Variants in NPAS3 observed in about 807,000 individuals in gnomAD.
NPAS3 encodes the protein neuronal PAS domain protein 3, also known as neuronal PAS domain-containing protein 3.
In NPAS3, 14 loss-of-function variants were observed where a neutral mutation model predicts 73.1. That is an observed-to-expected ratio of 0.19 (90% CI 0.13 to 0.30). The LOEUF (loss-of-function observed/expected upper bound fraction) is 0.30, where lower values mean the gene tolerates loss of function less well. Ranked by LOEUF, NPAS3 falls within the 10% of genes least tolerant of loss-of-function variation. The probability of loss-of-function intolerance (pLI) is 1.00; values close to 1 mark genes in which losing one functional copy is unlikely to be tolerated. For synonymous variants in NPAS3, 620 were observed against 541.5 expected, an observed-to-expected ratio of 1.14 and a Z score of -2.01; for missense variants, 1,096 against 1,250.0, an observed-to-expected ratio of 0.88 and a Z score of 1.86.
intron 5 of NPAS3, among the ~76,000 whole-genome samples, chr14:33,615,031 A>C (rs2057869741): frequency 6.6e-6 from 1 of 152,104 alleles, no homozygotes; most frequent in Non-Finnish European, 1.5e-5. Context: ...AACAGGTAGG[A>C]GTTCTGTAAG....
chr14:33,683,923 T>C (rs991676428), intron 6 of NPAS3, among the ~76,000 whole-genome samples: 28 of 152,144 alleles, frequency 1.8e-4, no homozygotes, highest in African/African-American at 6.0e-4. Flanking sequence ...ATTACAGGAG[T>C]TAATTCACAC....
intron 4 of NPAS3, among the ~76,000 whole-genome samples, chr14:33,433,379 C>T (rs2048857864): frequency 6.6e-6 from 1 of 152,234 alleles, no homozygotes; most frequent in Non-Finnish European, 1.5e-5. Flanking sequence ...AAAGCAAACG[C>T]AGTCTTTGAA....
intron 1 of NPAS3, among the ~76,000 whole-genome samples, chr14:32,974,523 C>T (rs968413726): frequency 6.6e-6 from 1 of 152,052 alleles, no homozygotes; most frequent in Non-Finnish European, 1.5e-5. Context: ...AAAAATTGGC[C>T]AGTAGTAGCT....
rs1471277849 is a variant in NPAS3, at chr14:33,328,435, C to CCTTTT, written c.386-38740_386-38736dup. On this transcript the variant is annotated intron_variant, in intron 3 of 11. Transcript: ENST00000356141. Reference sequence around the variant, plus strand: ...TTATTGATGTTTTTATCTTTCTTTTCCTTTTCTTTTCTTTTTTTTTTTTTT... The same window carrying CCTTTT: ...TTATTGATGTTTTTATCTTTCTTTTCCTTTTCTTTTCTTTTCTTTTTTTTTTTTTT... Among the ~76,000 whole-genome samples, 51 of 108,980 alleles carry CCTTTT rather than the reference C, an allele frequency of 4.7e-4. 1 individual carries two copies. Among genetic ancestry groups the CCTTTT allele is most frequent in the East Asian group, 1.2e-3 (5 of 4,016 alleles). The allele number at this position is 108,980 out of a possible 152,430, so 71.5% of individuals were successfully genotyped here.
intron 4 of NPAS3, among the ~76,000 whole-genome samples, chr14:33,485,750 A>C (rs2051556381): frequency 6.6e-6 from 1 of 152,156 alleles, no homozygotes; most frequent in African/African-American, 2.4e-5. Flanking sequence ...ATTCATTTTT[A>C]AATTTGAATT....
At chr14:33,197,267 GTTCT>G (rs1302899996) in intron 2 of NPAS3, among the ~76,000 whole-genome samples, 1 of 148,722 alleles carries the variant, frequency 6.7e-6, no homozygotes, top group African/African-American at 2.5e-5. Flanking sequence ...GTGTGTGTGT[GTTCT>G]TTTTCAATTG....
rs1236431329 is a variant in NPAS3 at position 33,677,693 on chromosome 14, CTG to C, written c.733+1310_733+1311del. On this transcript the variant is annotated intron_variant, in intron 6 of 11. Transcript: ENST00000356141. ...AATCCATTTTCCTCACTGAAGTTAA[CTG>C]TAGTTTCTAGGGCATTCATTATTCT... is the stretch of plus-strand genomic sequence containing the variant. Among the ~76,000 whole-genome samples, 3 of 151,874 alleles carry C rather than the reference CTG, an allele frequency of 2.0e-5. 1 individual carries two copies. The highest frequency in any genetic ancestry group is 6.9e-3 in the Middle Eastern group (2 of 290).
At chr14:33,645,475 G>T (rs1178326285) in intron 5 of NPAS3, among the ~76,000 whole-genome samples, 1 of 152,180 alleles carries the variant, frequency 6.6e-6, no homozygotes, top group Non-Finnish European at 1.5e-5. Context: ...GAATGATAGA[G>T]TTACTGTCTC....
intron 2 of NPAS3, among the ~76,000 whole-genome samples, chr14:33,211,417 G>C (rs557322655): frequency 1.3e-5 from 2 of 152,108 alleles, no homozygotes; most frequent in South Asian, 4.1e-4. Flanking sequence ...AGCTGAGCAC[G>C]GTGGTGCATG....
At chr14:33,557,165 T>A (rs2139731188) in intron 4 of NPAS3, among the ~76,000 whole-genome samples, 1 of 123,564 alleles carries the variant, frequency 8.1e-6, no homozygotes, top group African/African-American at 2.9e-5. Flanking sequence ...TGCTTCAAAG[T>A]GAGGTTCCGC....
At chr14:33,039,076 C>G (rs191922103) in intron 1 of NPAS3, among the ~76,000 whole-genome samples, 1 of 152,118 alleles carries the variant, frequency 6.6e-6, no homozygotes, top group Non-Finnish European at 1.5e-5. Flanking sequence ...CATGAAGCCA[C>G]GACCAAGAAT....
chr14:33,780,563 TTGTC>T (rs1280174745), intron 9 of NPAS3: 5 of 428,682 alleles, frequency 1.2e-5, no homozygotes, highest in African/African-American at 1.0e-4. Context: ...AAAAAGAACT[TTGTC>T]TTCCTCAGTT....
intron 4 of NPAS3, among the ~76,000 whole-genome samples, chr14:33,518,506 G>A (rs1190988527): frequency 6.6e-6 from 1 of 151,896 alleles, no homozygotes; most frequent in African/African-American, 2.4e-5. Flanking sequence ...GGCAAAGAGA[G>A]CTGTCTGCTT....
intron 2 of NPAS3, among the ~76,000 whole-genome samples, chr14:33,141,244 T>G (rs74041788): frequency 0.026 from 3,962 of 152,318 alleles, 159 homozygotes; most frequent in African/African-American, 0.089. Flanking sequence ...TCGGCTAATG[T>G]AGGTCATTGC....
intron 5 of NPAS3, among the ~76,000 whole-genome samples, chr14:33,643,015 C>T (rs899002643): frequency 1.3e-5 from 2 of 152,078 alleles, no homozygotes; most frequent in Admixed American, 6.5e-5. Flanking sequence ...CATCTCCTCT[C>T]GCAATAATCT....
chr14:33,355,519 C>T (rs1182890577), intron 3 of NPAS3, among the ~76,000 whole-genome samples: 2 of 152,100 alleles, frequency 1.3e-5, no homozygotes, highest in African/African-American at 4.8e-5. Flanking sequence ...AGGATGGTCT[C>T]GACCCCTTGA....
At chr14:33,062,529 G>A (rs1001456661) in intron 2 of NPAS3, among the ~76,000 whole-genome samples, 5 of 152,166 alleles carry the variant, frequency 3.3e-5, no homozygotes, top group Non-Finnish European at 7.3e-5. Flanking sequence ...GGCGCAGGCA[G>A]CATGATTTAG....
intron 3 of NPAS3, among the ~76,000 whole-genome samples, chr14:33,254,882 T>G (rs76695556): frequency 0.031 from 4,703 of 152,130 alleles, 155 homozygotes; most frequent in East Asian, 0.14. Context: ...TAAGTCATAG[T>G]GAAAATCTAT....
chr14:33,632,051 C>T (rs1022103686), intron 5 of NPAS3, among the ~76,000 whole-genome samples: 1 of 152,046 alleles, frequency 6.6e-6, no homozygotes, highest in East Asian at 1.9e-4. Flanking sequence ...GACGATTTCA[C>T]GTTGAAAATA....
Sources: allele counts gnomAD v4.1 joint callset (sites outside exome capture counted in the v4.1 genomes callset), GRCh38; gene constraint gnomAD v4.1.1; transcripts MANE v1.5; gene names NCBI Gene and HGNC (gene_info 2026-07-23, HGNC 2026-07-21).